MARCHF7: variants seen among roughly 807,000 people sequenced by gnomAD.
MARCHF7 encodes E3 ubiquitin-protein ligase MARCHF7.
Under a neutral mutation model 76.5 loss-of-function variants are expected in MARCHF7, and 20 were observed. The observed-to-expected ratio is 0.26, with a 90% CI of 0.18 to 0.38. The LOEUF (loss-of-function observed/expected upper bound fraction) is 0.38. Ranked by LOEUF, MARCHF7 falls within the 10% of genes least tolerant of loss-of-function variation. The probability of loss-of-function intolerance (pLI) is 1.00; values close to 1 mark genes in which losing one functional copy is unlikely to be tolerated. For missense variants in MARCHF7, 797 were observed against 812.9 expected (o/e 0.98, Z 0.24); for synonymous variants, 295 against 293.0 (o/e 1.01, Z -0.07).
intron 11 of MARCHF7, among the ~76,000 whole-genome samples, 170 bp downstream of exon 11, chr2:159,764,844 T>G (rs1453296285): frequency 1.0e-4 from 2 of 19,200 alleles, no homozygotes; most frequent in African/African-American, 8.2e-5. Context: ...ACATTAGTTG[T>G]TTTTTTTTTT....
chr2:159,751,178 A>G (rs1014243548), intron 7 of MARCHF7, among the ~76,000 whole-genome samples: 3 of 152,160 alleles, frequency 2.0e-5, no homozygotes, highest in African/African-American at 7.2e-5. Context: ...TTAAGGTTAG[A>G]TTAATTTAAG....
intron 7 of MARCHF7, among the ~76,000 whole-genome samples, chr2:159,751,338 A>C (rs1302876898): frequency 1.3e-5 from 2 of 152,216 alleles, no homozygotes; most frequent in African/African-American, 4.8e-5. Context: ...TTTCTGTATT[A>C]CATCTTTCCT....
At position 159,748,184 on chromosome 2, in the gene MARCHF7, A is replaced by T. The variant is rs776603803; in HGVS notation, c.894A>T (p.Arg298Ser). The T allele has an allele frequency of 1.2e-6, 2 of 1,612,602 alleles. No homozygotes were observed. Among genetic ancestry groups the T allele is most frequent in the South Asian group, 2.2e-5 (2 of 90,738 alleles). The change falls in exon 7 of 12, where the codon AGA becomes AGT. Residue 298 changes from arginine (R) to serine (S), a missense_variant. Around this residue, in one of 3 missense-constraint regions of MARCHF7, gnomAD observed 643 missense variants for 631.5 expected, o/e 1.02. Coordinates refer to ENST00000409175, the MANE Select transcript of MARCHF7 (RefSeq NM_001282805.2). ...SSMSSTFFSR[R>S]SSQDSLNTRS... ...TGTCATCTACTTTTTTTTCACGAAG[A>T]TCTAGTCAGGATTCCTTGAATACAA...
Position 159,759,669 on chromosome 2 carries a change from G to A in MARCHF7, c.1893+334G>A, listed in dbSNP as rs187601778. ...TTTTCTTTACTGAAGGAAAATTCGG[G>A]AGGTGGGGCAGATGTGTATTTAAGG... On this transcript the variant is annotated intron_variant, in intron 9 of 11. Coordinates refer to ENST00000409175, the MANE Select transcript of MARCHF7 (RefSeq NM_001282805.2). Among the ~76,000 whole-genome samples, 1,074 of 152,242 alleles carry A rather than the reference G, an allele frequency of 7.1e-3. 5 individuals carry two copies. Among genetic ancestry groups the A allele is most frequent in the Non-Finnish European group, 0.013 (872 of 68,010 alleles).
At position 159,720,422 on chromosome 2, in the gene MARCHF7, A is replaced by G. The variant is rs570016865; in HGVS notation, c.-15+4656A>G. Among the ~76,000 whole-genome samples the G allele has an allele frequency of 3.9e-5, 6 of 152,250 alleles. No homozygotes were observed. In the East Asian group the frequency reaches 1.2e-3, roughly 29 times the overall value. Reference sequence around the variant, plus strand: ...GTGGTATTTATATTATGGCTATTGTATATTTGTTAAAAAGTGCTCTTTTTG... The same window carrying G: ...GTGGTATTTATATTATGGCTATTGTGTATTTGTTAAAAAGTGCTCTTTTTG... On this transcript the variant is annotated intron_variant, in intron 3 of 11. Transcript: ENST00000409175.
At chr2:159,727,369 C>T (rs1338195676) in intron 3 of MARCHF7, among the ~76,000 whole-genome samples, 4 of 152,168 alleles carry the variant, frequency 2.6e-5, no homozygotes, top group East Asian at 1.9e-4. Flanking sequence ...GGGCAGATCA[C>T]GAAGTCAGGA....
chr2:159,729,392 T>C (rs1357325708), intron 4 of MARCHF7, among the ~76,000 whole-genome samples: 1 of 152,148 alleles, frequency 6.6e-6, no homozygotes, highest in Non-Finnish European at 1.5e-5. Context: ...ACTTTTGCGC[T>C]GGGAACGGTG....
intron 7 of MARCHF7, among the ~76,000 whole-genome samples, chr2:159,751,302 A>G (rs1166896571): frequency 6.6e-6 from 1 of 152,200 alleles, no homozygotes; most frequent in Non-Finnish European, 1.5e-5. Flanking sequence ...TTATTTTGCC[A>G]GAGAGAGTGT....
chr2:159,715,970 A>G (rs1282190238), intron 3 of MARCHF7, among the ~76,000 whole-genome samples: 12 of 152,202 alleles, frequency 7.9e-5, no homozygotes, highest in African/African-American at 2.9e-4. Context: ...TAGAGATTAA[A>G]TTCATTTCAA....
chr2:159,761,927 C>CT (rs1707160247), intron 9 of MARCHF7, among the ~76,000 whole-genome samples: 1 of 152,026 alleles, frequency 6.6e-6, no homozygotes, highest in Admixed American at 6.6e-5. Flanking sequence ...AAAAGAGAAA[C>CT]TTTTAATCTG....
intron 8 of MARCHF7, among the ~76,000 whole-genome samples, chr2:159,755,620 A>G (rs192342984): frequency 2.3e-4 from 35 of 152,308 alleles, no homozygotes; most frequent in African/African-American, 8.4e-4. Context: ...AGATAGTTCA[A>G]AAAAGAAAGG....
At position 159,768,278 on chromosome 2, in the gene MARCHF7, A is replaced by G. The variant is rs1707999315; in HGVS notation, c.*936A>G. ...CTTGGTAATTCTGAGCATTTATTTG[A>G]TGACTTAATATTTTTCACTACCTTT... On this transcript the variant is annotated 3_prime_UTR_variant, in exon 12 of 12. Coordinates refer to ENST00000409175, the MANE Select transcript of MARCHF7 (RefSeq NM_001282805.2). 1 of 152,506 alleles carries G rather than the reference A, an allele frequency of 6.6e-6. No homozygotes were observed. The highest frequency in any genetic ancestry group is 1.5e-5 in the Non-Finnish European group (1 of 67,970). 9.4% of individuals were successfully genotyped at this position (152,506 alleles called of 1,614,324 possible).
intron 1 of MARCHF7, among the ~76,000 whole-genome samples, chr2:159,713,818 C>G (rs1303749109): frequency 3.3e-5 from 5 of 152,140 alleles, no homozygotes; most frequent in Admixed American, 2.6e-4. Flanking sequence ...TATTTAAGTT[C>G]ACGAGATTGT....
At chr2:159,727,422 C>T (rs972400681) in intron 3 of MARCHF7, among the ~76,000 whole-genome samples, 2 of 151,978 alleles carry the variant, frequency 1.3e-5, no homozygotes, top group Admixed American at 6.6e-5. Flanking sequence ...CCCGTCTCTA[C>T]TAAAAATACA....
chr2:159,729,187 A>G lies in MARCHF7; in HGVS notation c.153+12A>G, dbSNP rs371265885. On this transcript the variant is annotated intron_variant, in intron 4 of 11. Transcript: ENST00000409175. Reference sequence around the variant, plus strand: ...ATTCTGAATATCAGGTAACATTTTTATTTGGAATATATGTATACAGCCTTT... The same window carrying G: ...ATTCTGAATATCAGGTAACATTTTTGTTTGGAATATATGTATACAGCCTTT... The G allele has an allele frequency of 5.8e-5, 91 of 1,579,122 alleles. No homozygotes were observed. The African/African-American group carries it at 1.1e-3, about 19-fold the overall frequency.
chr2:159,729,021 G>C lies in MARCHF7; in HGVS notation c.-2G>C, dbSNP rs774778962. On this transcript the variant is annotated 5_prime_UTR_variant, in exon 4 of 12. Transcript: ENST00000409175. ...TTTTATTTCACAGAAAAATCTTTAA[G>C]AATGGAGTCTAAACCTTCAAGGATT... 6.4e-7 allele frequency: 1 copy of C among 1,551,906 alleles called. No homozygotes were observed. The highest frequency in any genetic ancestry group is 2.2e-5 in the Admixed American group (1 of 45,034).
intron 3 of MARCHF7, among the ~76,000 whole-genome samples, chr2:159,719,766 T>G (rs1701426707): frequency 6.6e-6 from 1 of 152,228 alleles, no homozygotes; most frequent in Non-Finnish European, 1.5e-5. Context: ...TTCCTTGCAT[T>G]TTTGTGTATC....
At chr2:159,730,762 T>A (rs920114416) in intron 4 of MARCHF7, among the ~76,000 whole-genome samples, 1 of 152,226 alleles carries the variant, frequency 6.6e-6, no homozygotes, top group Admixed American at 6.5e-5. Context: ...TGTCTAATTT[T>A]AAAAATATAT....
rs754805012 is a variant in MARCHF7 at position 159,764,657 on chromosome 2, A to G, written c.2039A>G (p.His680Arg). ...AACCTTGCAAGAACTCTTCAGGCAC[A>G]TATGGAAGATCTCGAAAGTAGGTGG... ...FINLARTLQA[H>R]MEDLETSEDD... Residue 680 changes from histidine (H) to arginine (R), a missense_variant, in exon 11 of 12, where the codon CAT becomes CGT. His to Arg is a conservative substitution (Grantham distance 29). This residue lies in a region of MARCHF7 where 124 missense variants were observed against 121.3 expected (regional missense o/e 1.02). Transcript: ENST00000409175. The G allele has an allele frequency of 1.9e-6, 3 of 1,603,208 alleles. No homozygotes were observed. Among genetic ancestry groups the G allele is most frequent in the Non-Finnish European group, 2.6e-6 (3 of 1,175,442 alleles).
Sources: gnomAD v4.1 joint callset for allele counts (sites outside exome capture counted in the v4.1 genomes callset) on GRCh38, gnomAD v4.1.1 for gene constraint, gnomAD v4.1.1 regional missense constraint, MANE v1.5 for transcripts, NCBI Gene and HGNC (gene_info 2026-07-23, HGNC 2026-07-21) for gene names.